GLRA1: variants seen among roughly 807,000 people sequenced by gnomAD.
The protein encoded by GLRA1 is glycine receptor subunit alpha-1.
GLRA1 carries 37 observed loss-of-function variants against 48.3 expected under a neutral mutation model. That is an observed-to-expected ratio of 0.77 (90% confidence interval 0.59 to 1.01). GLRA1 has a LOEUF of 1.01. Among genes scored for constraint, GLRA1 ranks in the 50% least tolerant of loss-of-function variants. GLRA1 has a pLI of 0.00. For synonymous variants in GLRA1, 196 were observed against 210.7 expected (o/e 0.93, Z 0.60); for missense variants, 427 against 571.0 (o/e 0.75, Z 2.57).
intron 1 of GLRA1, among the ~76,000 whole-genome samples, chr5:151,918,953 A>T (rs1185088504): frequency 7.9e-5 from 12 of 152,226 alleles, no homozygotes; most frequent in Non-Finnish European, 1.3e-4. Flanking sequence ...ATATAGAATA[A>T]ATCAAATCTA....
rs756370176 is a variant in GLRA1, at chr5:151,829,076, G to C, written c.913-9C>G. ...GCTTTCACATAGGACACCTAGAGTG[G>C]GGGTGGAGGAGAAACAGGGAGGTGA... On this transcript the variant is annotated splice_polypyrimidine_tract_variant and intron_variant, in intron 7 of 8. Coordinates refer to ENST00000274576, the MANE Select transcript of GLRA1 (RefSeq NM_000171.4). The C allele has an allele frequency of 1.4e-5, 23 of 1,613,422 alleles. 1 individual carries two copies. Among genetic ancestry groups the C allele is most frequent in the Non-Finnish European group, 1.9e-5 (22 of 1,179,738 alleles).
At chr5:151,904,879 A>T (rs990415533) in intron 1 of GLRA1, among the ~76,000 whole-genome samples, 1 of 152,234 alleles carries the variant, frequency 6.6e-6, no homozygotes, top group Non-Finnish European at 1.5e-5. Flanking sequence ...ATGAACTTCC[A>T]GAAGCTTTTT....
intron 3 of GLRA1, among the ~76,000 whole-genome samples, chr5:151,863,667 C>A (rs1419004636): frequency 2.0e-5 from 3 of 152,116 alleles, no homozygotes; most frequent in Admixed American, 1.3e-4. Flanking sequence ...TACATGAGGA[C>A]CTGCTATTCC....
At chr5:151,856,204 G>C (rs1192552005) in intron 5 of GLRA1, 97 bp downstream of exon 5, 1 of 790,828 alleles carries the variant, frequency 1.3e-6, no homozygotes, top group Non-Finnish European at 2.2e-6. Context: ...AATCTCCTGG[G>C]GTCTAGTGGT....
intron 3 of GLRA1, among the ~76,000 whole-genome samples, chr5:151,877,633 G>C (rs1753658757): frequency 6.6e-6 from 1 of 152,184 alleles, no homozygotes; most frequent in African/African-American, 2.4e-5. Flanking sequence ...GAGGGACCTG[G>C]TGGGAAGTAA....
chr5:151,889,035 G>A (rs1753989061), intron 2 of GLRA1, among the ~76,000 whole-genome samples: 1 of 152,128 alleles, frequency 6.6e-6, no homozygotes, highest in Admixed American at 6.5e-5. Context: ...AGGAGTTACT[G>A]CCTATGCCTT....
rs367631007 is a variant in GLRA1 at position 151,863,793 on chromosome 5, C to T, written c.253-3785G>A. Among the ~76,000 whole-genome samples, 32 of 152,306 alleles carry T rather than the reference C, an allele frequency of 2.1e-4. No individual in the cohort carries two copies. In the South Asian group the frequency reaches 6.4e-3, roughly 31 times the overall value. Reference sequence around the variant, plus strand: ...ATAAACTAAAACAAACAACCTTCCTCCCCACTCTCACCCTCACCCCTGCTC... The same window carrying T: ...ATAAACTAAAACAAACAACCTTCCTTCCCACTCTCACCCTCACCCCTGCTC... On this transcript the variant is annotated intron_variant, in intron 3 of 8. Coordinates refer to ENST00000274576, the MANE Select transcript of GLRA1 (RefSeq NM_000171.4).
At chr5:151,843,342 G>A (rs183594397) in intron 7 of GLRA1, among the ~76,000 whole-genome samples, 3,501 of 144,938 alleles carry the variant, frequency 0.024, 62 homozygotes, top group Middle Eastern at 0.037. Context: ...CTCACTGCAA[G>A]CTCTGCCTCC....
At chr5:151,887,334 C>T (rs1013306067) in intron 2 of GLRA1, among the ~76,000 whole-genome samples, 9 of 152,260 alleles carry the variant, frequency 5.9e-5, no homozygotes, top group African/African-American at 2.2e-4. Context: ...TACTGCAAAG[C>T]GTAGGAAAGA....
chr5:151,885,893 A>G (rs1057124681), intron 3 of GLRA1, among the ~76,000 whole-genome samples: 19 of 152,350 alleles, frequency 1.2e-4, no homozygotes, highest in African/African-American at 4.3e-4. Flanking sequence ...TTGGAAGCCA[A>G]CGAGAACCCT....
At chr5:151,839,036 G>C (rs1197658501) in intron 7 of GLRA1, among the ~76,000 whole-genome samples, 1 of 152,208 alleles carries the variant, frequency 6.6e-6, no homozygotes, top group Non-Finnish European at 1.5e-5. Context: ...TTTTGTACAA[G>C]GGATTCTTGA....
chr5:151,903,270 A>T (rs991996622), intron 1 of GLRA1, among the ~76,000 whole-genome samples: 13 of 152,226 alleles, frequency 8.5e-5, no homozygotes, highest in African/African-American at 2.9e-4. Context: ...AAATGATTTT[A>T]AATTGTAGAA....
chr5:151,859,977 T>G lies in GLRA1; in HGVS notation c.284A>C (p.Gln95Pro), dbSNP rs1131691474. The G allele has an allele frequency of 1.9e-6, 3 of 1,613,930 alleles. No homozygotes were observed. Among genetic ancestry groups the G allele is most frequent in the African/African-American group, 2.7e-5 (2 of 74,902 alleles). Residue 95 changes from glutamine (Q) to proline (P), a missense_variant, in exon 4 of 9, where the codon CAA becomes CCA. By Grantham distance (76) the Gln-to-Pro change is moderately conservative (BLOSUM62 -1). Transcript: ENST00000274576. ...DYRVNIFLRQ[Q>P]WNDPRLAYNE... Reference sequence around the variant, plus strand: ...ATAGGCCAGGCGGGGGTCGTTCCATTGCTGCCGCAGGAAGATGTTGACCCT... The same window carrying G: ...ATAGGCCAGGCGGGGGTCGTTCCATGGCTGCCGCAGGAAGATGTTGACCCT...
In GLRA1 at chr5:151,886,748, G is replaced by A; in HGVS notation, c.225C>T (p.Ser75=). The change falls in exon 3 of 9, where the codon AGC becomes AGT. Residue 75 remains serine (S), a synonymous_variant. Coordinates refer to ENST00000274576, the MANE Select transcript of GLRA1 (RefSeq NM_000171.4). ...TGGTTGTCTCAGCAATGGAACCAAA[G>A]CTGTTGATGAAAATGTTGCAGCTCA... ...VNVSCNIFIN[S]FGSIAETTMD... 1 of 1,613,314 alleles carries A rather than the reference G, an allele frequency of 6.2e-7. No individual in the cohort carries two copies. Among genetic ancestry groups the A allele is most frequent in the Non-Finnish European group, 8.5e-7 (1 of 1,179,234 alleles).
At chr5:151,841,373 A>G (rs1763710800) in intron 7 of GLRA1, among the ~76,000 whole-genome samples, 1 of 151,560 alleles carries the variant, frequency 6.6e-6, no homozygotes, top group Non-Finnish European at 1.5e-5. Context: ...GTATAACTGT[A>G]AACACCTATT....
intron 3 of GLRA1, among the ~76,000 whole-genome samples, chr5:151,868,980 G>C (rs1258235526): frequency 3.9e-5 from 6 of 152,332 alleles, no homozygotes; most frequent in African/African-American, 1.4e-4. Flanking sequence ...GTTTGGACCA[G>C]TGGAGCTTAG....
intron 7 of GLRA1, among the ~76,000 whole-genome samples, chr5:151,835,047 AAAAG>A (rs1375988619): frequency 2.3e-4 from 34 of 150,358 alleles, no homozygotes; most frequent in East Asian, 5.8e-4. Context: ...AAAAAAAAAA[AAAAG>A]AGAAGAATGA....
At chr5:151,904,666 A>T (rs954516743) in intron 1 of GLRA1, among the ~76,000 whole-genome samples, 1 of 152,228 alleles carries the variant, frequency 6.6e-6, no homozygotes, top group African/African-American at 2.4e-5. Context: ...AGCCTTGGAC[A>T]AGTTACTTAT....
At position 151,851,555 on chromosome 5, in the gene GLRA1, A is replaced by T. The variant is rs1441470047; in HGVS notation, c.747T>A (p.Gly249=). 1 of 1,614,072 alleles carries T rather than the reference A, an allele frequency of 6.2e-7. No homozygotes were observed. The highest frequency in any genetic ancestry group is 8.5e-7 in the Non-Finnish European group (1 of 1,179,948). Residue 249 remains glycine (G), a synonymous_variant, in exon 7 of 9, where the codon GGT becomes GGA. Coordinates refer to ENST00000274576, the MANE Select transcript of GLRA1 (RefSeq NM_000171.4). ...EARFHLERQM[G]YYLIQMYIPS... ...GAATATACATCTGAATCAGGTAGTA[A>T]CCCATCTGCCGCTCCAGGTGGAACC...
Sources: allele counts gnomAD v4.1 joint callset (sites outside exome capture counted in the v4.1 genomes callset), GRCh38; gene constraint gnomAD v4.1.1; transcripts MANE v1.5; gene names NCBI Gene and HGNC (gene_info 2026-07-23, HGNC 2026-07-21).